PCBP3: variants seen among roughly 807,000 people sequenced by gnomAD.
PCBP3 encodes the protein poly(rC)-binding protein 3.
Under a neutral mutation model 52.7 loss-of-function variants are expected in PCBP3, and 25 were observed. The observed-to-expected ratio is 0.47, with a 90% CI of 0.35 to 0.66. The LOEUF (loss-of-function observed/expected upper bound fraction) is 0.66, where lower values mean the gene tolerates loss of function less well. Among genes scored for constraint, PCBP3 ranks in the 30% least tolerant of loss-of-function variants. PCBP3 has a pLI of 0.01. For synonymous variants in PCBP3, 162 were observed against 183.0 expected (o/e 0.89, Z 0.93); for missense variants, 391 against 490.3 (o/e 0.80, Z 1.91).
At chr21:45,646,083 T>TTTCTCTCTCTCTC (rs1569069931) in intron 1 of PCBP3, among the ~76,000 whole-genome samples, 14 of 99,560 alleles carry the variant, frequency 1.4e-4, no homozygotes, top group Non-Finnish European at 2.6e-4. Context: ...CTCTCTCTCT[T>TTTCTCTCTCTCTC]TCTCTCTCTC....
At position 45,875,579 on chromosome 21, in the gene PCBP3, C is replaced by G. The variant is rs1603461684; in HGVS notation, c.11-20629C>G. On this transcript the variant is annotated intron_variant, in intron 5 of 17. Transcript: ENST00000681687. The stretch of plus-strand genomic sequence containing the variant: ...GTGCCTCTGCTTCCCCCTGGCTCAG[C>G]CTGCCCACACCAGCTTCCCCCAGGG... Among the ~76,000 whole-genome samples, 4 of 152,222 alleles carry G rather than the reference C, an allele frequency of 2.6e-5. No individual in the cohort carries two copies. In the South Asian group the frequency reaches 8.3e-4, roughly 31 times the overall value.
chr21:45,913,982 G>T lies in PCBP3; in HGVS notation c.632G>T (p.Arg211Leu), dbSNP rs745636178. ...SPPKGATIPYRPKPASTPVIF... is the reference protein window; with the variant it reads ...SPPKGATIPYLPKPASTPVIF... ...CCGAAAGGTGCCACCATTCCCTACCGCCCAAAGCCCGCCTCCACCCCTGTC... is the reference window on the plus strand; with the variant it reads ...CCGAAAGGTGCCACCATTCCCTACCTCCCAAAGCCCGCCTCCACCCCTGTC... Residue 211 changes from arginine to leucine, a missense_variant, in exon 12 of 18, where the codon CGC (arginine) becomes CTC (leucine). Transcript: ENST00000681687. The T allele has an allele frequency of 3.1e-6, 5 of 1,613,070 alleles. No individual in the cohort carries two copies. The South Asian group carries it at 4.4e-5, about 14-fold the overall frequency.
chr21:45,928,011 C>T lies in PCBP3; in HGVS notation c.718-1906C>T, dbSNP rs1045115293. Among the ~76,000 whole-genome samples, 72 of 152,300 alleles carry T rather than the reference C, an allele frequency of 4.7e-4. No individual in the cohort carries two copies. The highest frequency in any genetic ancestry group is 1.6e-3 in the African/African-American group (68 of 41,576). On this transcript the variant is annotated intron_variant, in intron 13 of 17. Coordinates refer to ENST00000681687, the MANE Select transcript of PCBP3 (RefSeq NM_001384156.1). The surrounding 1 kb of genome is among the most constrained non-coding windows in gnomAD (Gnocchi z 4.1). ...CTGTGGATGAATTTGCCAGGAGTGT[C>T]TCACCCCGCCGTGGGCGATCTTGCC...
chr21:45,678,448 TAAG>T (rs1462746283), intron 2 of PCBP3, among the ~76,000 whole-genome samples: 1 of 152,180 alleles, frequency 6.6e-6, no homozygotes, highest in Non-Finnish European at 1.5e-5. Flanking sequence ...TCGATGTCAT[TAAG>T]AACATTTGTG....
chr21:45,653,806 T>C (rs1472030956), intron 1 of PCBP3, among the ~76,000 whole-genome samples: 1 of 152,190 alleles, frequency 6.6e-6, no homozygotes, highest in Non-Finnish European at 1.5e-5. Context: ...TATTTTTCTC[T>C]CTTTTCTTGC....
chr21:45,657,168 G>A (rs1203506055), intron 1 of PCBP3, among the ~76,000 whole-genome samples: 1 of 152,056 alleles, frequency 6.6e-6, no homozygotes, highest in Non-Finnish European at 1.5e-5. Flanking sequence ...TTTTATTTTG[G>A]TAATACTGCA....
rs545137285 is a variant in PCBP3 at position 45,802,582 on chromosome 21, G to A, written c.-126+47130G>A. 4.9e-4 allele frequency among the ~76,000 whole-genome samples: 75 copies of A among 152,312 alleles called. No homozygotes were observed. Among genetic ancestry groups the A allele is most frequent in the Middle Eastern group, 3.4e-3 (1 of 294 alleles). ...GAGCCCCTGGGAGACGTAAGAGATG[G>A]GGACAGGCTGACGGAGGAGGAGGAC... On this transcript the variant is annotated intron_variant, in intron 4 of 17. Transcript: ENST00000681687. The surrounding 1 kb of genome is among the most constrained non-coding windows in gnomAD (Gnocchi z 5.1).
chr21:45,820,930 A>G (rs1203348332), intron 4 of PCBP3, among the ~76,000 whole-genome samples: 4 of 152,098 alleles, frequency 2.6e-5, no homozygotes, highest in Non-Finnish European at 5.9e-5. Context: ...TCGAGAGGAC[A>G]GAGCCTCAGA....
At chr21:45,703,323 ATAGCCT>A (rs1286020084) in intron 2 of PCBP3, among the ~76,000 whole-genome samples, 1 of 152,220 alleles carries the variant, frequency 6.6e-6, no homozygotes, top group Non-Finnish European at 1.5e-5. Context: ...TGTGGCAGCT[ATAGCCT>A]TACAAAATGT....
At chr21:45,882,145 A>G (rs2095419667) in intron 5 of PCBP3, among the ~76,000 whole-genome samples, 1 of 152,186 alleles carries the variant, frequency 6.6e-6, no homozygotes, top group Non-Finnish European at 1.5e-5. Context: ...GTTTCCCATC[A>G]GCACTGTACA....
chr21:45,762,531 C>T (rs1355706373), intron 4 of PCBP3: 1 of 132,592 alleles, frequency 7.5e-6, no homozygotes, highest in Non-Finnish European at 1.6e-5. Flanking sequence ...ACTCTGTCAC[C>T]CAGGCTGGAG....
chr21:45,940,969 G>C (rs79887197), intron 17 of PCBP3, among the ~76,000 whole-genome samples: 1,689 of 152,332 alleles, frequency 0.011, 39 homozygotes, highest in African/African-American at 0.038. Context: ...GGGGCCTCTA[G>C]GTGGACACAG....
chr21:45,866,127 C>T (rs1230248493), intron 5 of PCBP3, among the ~76,000 whole-genome samples: 1 of 152,222 alleles, frequency 6.6e-6, no homozygotes, highest in South Asian at 2.1e-4. Flanking sequence ...ACCCCTGGAC[C>T]CCCCTTGCCA....
intron 4 of PCBP3, among the ~76,000 whole-genome samples, chr21:45,766,116 G>C (rs1314159577): frequency 6.6e-6 from 1 of 152,246 alleles, no homozygotes; most frequent in Non-Finnish European, 1.5e-5. Context: ...CGGCTTCACA[G>C]TCCCAGGCTG....
chr21:45,922,318 C>G (rs534511225), intron 13 of PCBP3, among the ~76,000 whole-genome samples: 1 of 152,160 alleles, frequency 6.6e-6, no homozygotes, highest in Non-Finnish European at 1.5e-5. Flanking sequence ...CTTTGAGAGG[C>G]CAAGATGGGA....
chr21:45,908,741 G>T (rs1412867383), intron 9 of PCBP3, among the ~76,000 whole-genome samples: 9 of 152,176 alleles, frequency 5.9e-5, no homozygotes, highest in Non-Finnish European at 1.3e-4. Context: ...GTCCCCCACG[G>T]GTTGCCAGCC....
At position 45,880,693 on chromosome 21, in the gene PCBP3, T is replaced by A. The variant is rs1203233512; in HGVS notation, c.11-15515T>A. Among the ~76,000 whole-genome samples, 1 of 151,884 alleles carries A rather than the reference T, an allele frequency of 6.6e-6. No homozygotes were observed. The highest frequency in any genetic ancestry group is 1.9e-4 in the East Asian group (1 of 5,172). ...CTCTCGGTGCCAGGGTGGCCCCAGG[T>A]GACTGCAGCAGGGCCAGGAGAGACG... is the stretch of plus-strand genomic sequence containing the variant. On this transcript the variant is annotated intron_variant, in intron 5 of 17. Transcript: ENST00000681687. The surrounding 1 kb of genome is among the most constrained non-coding windows in gnomAD (Gnocchi z 5.4).
At chr21:45,878,730 G>A (rs1242491020) in intron 5 of PCBP3, among the ~76,000 whole-genome samples, 1 of 152,224 alleles carries the variant, frequency 6.6e-6, no homozygotes, top group African/African-American at 2.4e-5. Flanking sequence ...AGATTTAAGT[G>A]ATAACTGGAG....
chr21:45,778,354 C>T (rs1263920587), intron 4 of PCBP3, among the ~76,000 whole-genome samples: 2 of 152,140 alleles, frequency 1.3e-5, no homozygotes, highest in Non-Finnish European at 2.9e-5. Context: ...GGTGGCATAT[C>T]CTGGCACCTA....
Sources: allele counts gnomAD v4.1 joint callset (sites outside exome capture counted in the v4.1 genomes callset), GRCh38; gene constraint gnomAD v4.1.1; non-coding constraint Gnocchi (gnomAD v3.1); transcripts MANE v1.5; gene names NCBI Gene and HGNC (gene_info 2026-07-23, HGNC 2026-07-21).